The following BMPR1A variants were observed in gnomAD, a reference collection of about 807,000 sequenced individuals.
The protein encoded by BMPR1A is bone morphogenetic protein receptor type-1A.
Under a neutral mutation model 66.0 loss-of-function variants are expected in BMPR1A, and 7 were observed. That is an observed-to-expected ratio of 0.11 (90% CI 0.06 to 0.20). The LOEUF is 0.20. Ranked by LOEUF, BMPR1A falls within the 10% of genes least tolerant of loss-of-function variation. BMPR1A has a pLI of 1.00. For synonymous variants in BMPR1A, 200 were observed against 229.7 expected, an observed-to-expected ratio of 0.87 and a Z score of 1.17; for missense variants, 408 against 669.1, an observed-to-expected ratio of 0.61 and a Z score of 4.31.
chr10:86,766,136 G>A (rs1287863098), intron 1 of BMPR1A, among the ~76,000 whole-genome samples: 1 of 151,940 alleles, frequency 6.6e-6, no homozygotes, highest in Non-Finnish European at 1.5e-5. Flanking sequence ...AGAGGTGCAT[G>A]CTACCATGCC....
In BMPR1A at chr10:86,899,807, C is replaced by T. The variant is rs750097648; in HGVS notation, c.347C>T (p.Ala116Val). 2 of 1,613,832 alleles carry T rather than the reference C, an allele frequency of 1.2e-6. No homozygotes were observed. The highest frequency in any genetic ancestry group is 2.7e-5 in the African/African-American group (2 of 74,912). The change falls in exon 6 of 13, where the codon GCC becomes GTC. Residue 116 changes from alanine to valine, a missense_variant. Physicochemically the swap from Ala to Val is moderately conservative, Grantham distance 64 (BLOSUM62 0). This residue lies in a region of BMPR1A where 174 missense variants were observed against 265.1 expected (regional missense o/e 0.66). Transcript: ENST00000372037. ...CTCTTCTTTTAGGATTCTCCAAAAG[C>T]CCAGCTACGCCGGACAATAGAATGT... The part of the protein sequence containing the change: ...SDFQCKDSPK[A>V]QLRRTIECCR...
At chr10:86,821,884 G>A (rs1325704471) in intron 1 of BMPR1A, among the ~76,000 whole-genome samples, 2 of 151,938 alleles carry the variant, frequency 1.3e-5, no homozygotes, top group Admixed American at 1.3e-4. Flanking sequence ...GCTCACTGCA[G>A]TCTGGACCTC....
intron 7 of BMPR1A, among the ~76,000 whole-genome samples, chr10:86,907,602 A>C (rs549620994): frequency 6.6e-6 from 1 of 152,362 alleles, no homozygotes; most frequent in South Asian, 2.1e-4. Flanking sequence ...TGGATAAAGA[A>C]AATGTGGTCC....
intron 1 of BMPR1A, among the ~76,000 whole-genome samples, chr10:86,759,976 T>TCCACCC (rs1392481573): frequency 1.6e-5 from 1 of 61,294 alleles, no homozygotes; most frequent in Admixed American, 1.8e-4. Flanking sequence ...ACCCCGCGAC[T>TCCACCC]CCACCCCCAC....
intron 2 of BMPR1A, among the ~76,000 whole-genome samples, chr10:86,857,934 A>C (rs1000088553): frequency 1.1e-4 from 17 of 152,058 alleles, no homozygotes; most frequent in Non-Finnish European, 2.4e-4. Context: ...CTGTTATTAC[A>C]GGCAGAAGCC....
chr10:86,796,900 T>G (rs1841720033), intron 1 of BMPR1A, among the ~76,000 whole-genome samples: 1 of 152,134 alleles, frequency 6.6e-6, no homozygotes. Flanking sequence ...TTGTTCTGTT[T>G]TGTCCTGTTC....
intron 1 of BMPR1A, among the ~76,000 whole-genome samples, chr10:86,798,537 A>C (rs1841758432): frequency 6.6e-6 from 1 of 152,204 alleles, no homozygotes. Context: ...GTGGCTTTTA[A>C]AAGATCAAAA....
intron 2 of BMPR1A, among the ~76,000 whole-genome samples, chr10:86,872,738 T>A (rs1162043283): frequency 6.6e-6 from 1 of 152,196 alleles, no homozygotes; most frequent in Admixed American, 6.5e-5. Flanking sequence ...TTAATAAATA[T>A]CATTCCAGAT....
At position 86,829,888 on chromosome 10, in the gene BMPR1A, A is replaced by C. The variant is rs190503111; in HGVS notation, c.-267-8977A>C. Among the ~76,000 whole-genome samples, 5 of 152,338 alleles carry C rather than the reference A, an allele frequency of 3.3e-5. No individual in the cohort carries two copies. The East Asian group carries it at 9.6e-4, about 29-fold the overall frequency. On this transcript the variant is annotated intron_variant, in intron 1 of 12. Coordinates refer to ENST00000372037, the MANE Select transcript of BMPR1A (RefSeq NM_004329.3). Reference sequence around the variant, plus strand: ...TTCATGTTCAGTTTTTTGTGTGGACATAAATTTTTATTTCTTTGGGAGAGG... The same window carrying C: ...TTCATGTTCAGTTTTTTGTGTGGACCTAAATTTTTATTTCTTTGGGAGAGG...
chr10:86,815,544 TG>T (rs2132966996), intron 1 of BMPR1A, among the ~76,000 whole-genome samples: 1 of 152,286 alleles, frequency 6.6e-6, no homozygotes, highest in East Asian at 1.9e-4. Flanking sequence ...TTATTTGGCT[TG>T]TAGAGGGACA....
chr10:86,858,228 A>G (rs1044212881), intron 2 of BMPR1A, among the ~76,000 whole-genome samples: 13 of 152,356 alleles, frequency 8.5e-5, no homozygotes, highest in Non-Finnish European at 1.5e-4. Flanking sequence ...TCAGCAAACT[A>G]GGAAGGGAAC....
chr10:86,829,471 T>C (rs551867981), intron 1 of BMPR1A, among the ~76,000 whole-genome samples: 1 of 152,252 alleles, frequency 6.6e-6, no homozygotes, highest in African/African-American at 2.4e-5. Flanking sequence ...AAATTGACAT[T>C]GGTACATTTT....
intron 1 of BMPR1A, among the ~76,000 whole-genome samples, chr10:86,778,758 T>C (rs984474983): frequency 1.3e-5 from 2 of 152,044 alleles, no homozygotes; most frequent in African/African-American, 4.8e-5. Flanking sequence ...CTCCCTTTCC[T>C]CTACCCTTCC....
At chr10:86,802,712 G>C (rs1211993647) in intron 1 of BMPR1A, among the ~76,000 whole-genome samples, 1 of 151,610 alleles carries the variant, frequency 6.6e-6, no homozygotes, top group Non-Finnish European at 1.5e-5. Context: ...GAATTTGTAT[G>C]CATTTTAGTA....
intron 1 of BMPR1A, among the ~76,000 whole-genome samples, chr10:86,829,086 T>G (rs1842234361): frequency 1.3e-5 from 2 of 152,018 alleles, no homozygotes; most frequent in Non-Finnish European, 2.9e-5. Flanking sequence ...AAAGGGCCCT[T>G]TCCCAACTTC....
At position 86,917,241 on chromosome 10, in the gene BMPR1A, AGTATTCTTTACCACTGAAGAAG is replaced by A; in HGVS notation, c.784_805del (p.Val262ProfsTer14). The A allele has an allele frequency of 6.2e-7, 1 of 1,613,936 alleles. No individual in the cohort carries two copies. Among genetic ancestry groups the A allele is most frequent in the Non-Finnish European group, 8.5e-7 (1 of 1,179,896 alleles). ...GGCGTGGCGAAAAAGTGGCGGTGAA[AGTATTCTTTACCACTGAAGAAG>A]CCAGCTGGTTTCGAGAAACAGAAAT... On this transcript the variant is annotated frameshift_variant, in exon 9 of 13. Coordinates refer to ENST00000372037, the MANE Select transcript of BMPR1A (RefSeq NM_004329.3). LOFTEE classifies it high-confidence loss of function.
downstream of BMPR1A, chr10:86,931,473 A>C (rs1843810377): frequency 6.6e-6 from 1 of 150,546 alleles, no homozygotes; most frequent in African/African-American, 2.5e-5. Flanking sequence ...GGAAGTCTCC[A>C]CTGAAAGACC....
intron 1 of BMPR1A, among the ~76,000 whole-genome samples, chr10:86,766,368 C>T (rs1159336368): frequency 4.6e-5 from 7 of 152,076 alleles, no homozygotes; most frequent in Non-Finnish European, 1.5e-5. Context: ...TTACCAGTTT[C>T]GTGTTAATGA....
intron 1 of BMPR1A, among the ~76,000 whole-genome samples, chr10:86,765,483 C>CAAAAAAAA (rs34219531): frequency 2.8e-5 from 2 of 70,654 alleles, no homozygotes; most frequent in Non-Finnish European, 5.5e-5. Context: ...GACTCTGTCT[C>CAAAAAAAA]AAAAAAAAAA....
Sources: allele counts gnomAD v4.1 joint callset (sites outside exome capture counted in the v4.1 genomes callset), GRCh38; gene constraint gnomAD v4.1.1; regional missense constraint gnomAD v4.1.1; transcripts MANE v1.5; gene names NCBI Gene and HGNC (gene_info 2026-07-23, HGNC 2026-07-21).